LRBA: variants seen among roughly 807,000 people sequenced by gnomAD.
LRBA encodes the protein lipopolysaccharide-responsive and beige-like anchor protein.
A neutral mutation model predicts 330.0 loss-of-function variants in LRBA; 176 were observed. The observed-to-expected ratio is 0.53, with a 90% CI of 0.47 to 0.60. LRBA has a LOEUF of 0.60. Ranked by LOEUF, LRBA falls within the 20% of genes least tolerant of loss-of-function variation. The pLI, the probability that LRBA is intolerant of heterozygous loss-of-function variation, is 0.00. For synonymous variants in LRBA, 1,230 were observed against 1,193.0 expected (o/e 1.03, Z -0.64); for missense variants, 3,259 against 3,444.8 (o/e 0.95, Z 1.35).
chr4:150,784,820 G>A (rs1738802106), intron 34 of LRBA, among the ~76,000 whole-genome samples: 1 of 152,068 alleles, frequency 6.6e-6, no homozygotes, highest in African/African-American at 2.4e-5. Flanking sequence ...CAAGAACCCT[G>A]GTGTTCCTCC....
chr4:150,945,448 G>A (rs1441411237), intron 2 of LRBA, among the ~76,000 whole-genome samples: 33 of 152,156 alleles, frequency 2.2e-4, no homozygotes, highest in Admixed American at 2.2e-3. Context: ...TTTTTTTAAA[G>A]GTGCAGGACA....
chr4:150,723,122 T>C (rs889199391), intron 36 of LRBA, among the ~76,000 whole-genome samples: 3 of 152,066 alleles, frequency 2.0e-5, no homozygotes, highest in African/African-American at 2.4e-5. Context: ...AAAGGAAGTC[T>C]AGGACACAAG....
In LRBA at chr4:150,325,820, C is replaced by T. The variant is rs1239136285; in HGVS notation, c.7441G>A (p.Ala2481Thr). The T allele has an allele frequency of 6.2e-7, 1 of 1,612,636 alleles. No individual in the cohort carries two copies. The highest frequency in any genetic ancestry group is 8.5e-7 in the Non-Finnish European group (1 of 1,178,954). The change falls in exon 49 of 57, where the codon GCC becomes ACC. Residue 2481 changes from alanine (A) to threonine (T), a missense_variant. Physicochemically the swap from Ala to Thr is moderately conservative, Grantham distance 58. Coordinates refer to ENST00000651943, the MANE Select transcript of LRBA (RefSeq NM_001364905.1). ...AAAATAGCACTTACCACTTGCATGGCAGAACCTCTGGGAGGATGGGGCTCT... is the reference window on the plus strand; with the variant it reads ...AAAATAGCACTTACCACTTGCATGGTAGAACCTCTGGGAGGATGGGGCTCT... ...LIEPHPPRGS[A>T]MQVSPLMFTD...
chr4:150,375,145 G>GTA (rs1294498589), intron 47 of LRBA, among the ~76,000 whole-genome samples: 1 of 152,152 alleles, frequency 6.6e-6, no homozygotes, highest in African/African-American at 2.4e-5. Context: ...GAGGCTGTCT[G>GTA]GCTGTAGCTG....
At chr4:150,892,472 C>G (rs60391819) in intron 17 of LRBA, among the ~76,000 whole-genome samples, 15,083 of 152,158 alleles carry the variant, frequency 0.099, 1,610 homozygotes, top group African/African-American at 0.27. Context: ...TGCTACATGA[C>G]AACACAGCAA....
intron 40 of LRBA, chr4:150,580,391 A>C (rs1771150908): frequency 6.6e-6 from 1 of 152,204 alleles, no homozygotes; most frequent in Admixed American, 6.5e-5. Flanking sequence ...TATGTAAGAA[A>C]GAACCAAGAG....
At chr4:150,655,064 T>C (rs1199620998) in intron 37 of LRBA, among the ~76,000 whole-genome samples, 6 of 152,242 alleles carry the variant, frequency 3.9e-5, no homozygotes, top group African/African-American at 1.4e-4. Flanking sequence ...TACCCAATAC[T>C]GGGATGGCTG....
rs70941428 is a variant in LRBA, at chr4:150,693,563, C to CAAAAAAAAAAA, written c.5755-9857_5755-9847dup. Among the ~76,000 whole-genome samples the CAAAAAAAAAAA allele has an allele frequency of 2.7e-4, 14 of 52,704 alleles. 1 individual carries two copies. The highest frequency in any genetic ancestry group is 4.2e-4 in the Non-Finnish European group (12 of 28,236). The allele number at this position is 52,704 out of a possible 152,430, so 34.6% of individuals were successfully genotyped here. ...TGGGTGACAGAGCGAGACTCCGTCT[C>CAAAAAAAAAAA]AAAAAAAAAAAAAAAAAAAAAAATT... On this transcript the variant is annotated intron_variant, in intron 36 of 56. Transcript: ENST00000651943.
At chr4:150,332,579 A>T (rs1734124548) in intron 48 of LRBA, among the ~76,000 whole-genome samples, 1 of 152,170 alleles carries the variant, frequency 6.6e-6, no homozygotes. Context: ...AACTTAATTT[A>T]GGAGGGATGC....
At chr4:150,571,987 T>C (rs1769930196) in intron 40 of LRBA, among the ~76,000 whole-genome samples, 1 of 151,998 alleles carries the variant, frequency 6.6e-6, no homozygotes, top group Non-Finnish European at 1.5e-5. Flanking sequence ...TATAACAAAA[T>C]AGAGATTGGT....
chr4:150,942,747 A>C (rs149630454), intron 2 of LRBA, among the ~76,000 whole-genome samples: 9 of 152,200 alleles, frequency 5.9e-5, no homozygotes, highest in Non-Finnish European at 8.8e-5. Context: ...CAATTATCAC[A>C]TCTAGCTGAT....
intron 47 of LRBA, among the ~76,000 whole-genome samples, chr4:150,380,016 A>T (rs1182862550): frequency 2.0e-5 from 3 of 150,730 alleles, no homozygotes; most frequent in Admixed American, 2.0e-4. Context: ...AAAAAAAAAA[A>T]AAAAAAAAAA....
At chr4:150,805,339 G>GAAAGA (rs1210401526) in intron 33 of LRBA, among the ~76,000 whole-genome samples, 2 of 133,370 alleles carry the variant, frequency 1.5e-5, no homozygotes, top group Non-Finnish European at 3.1e-5. Flanking sequence ...GAAAGGAAAG[G>GAAAGA]AGAAGGAGAA....
At position 150,321,304 on chromosome 4, in the gene LRBA, T is replaced by G. The variant is rs1237728831; in HGVS notation, c.7517A>C (p.Asn2506Thr). 5.6e-6 allele frequency: 9 copies of G among 1,606,660 alleles called. No homozygotes were observed. The South Asian group carries it at 8.9e-5, about 16-fold the overall frequency. Residue 2506 changes from asparagine (N) to threonine (T), a missense_variant, in exon 50 of 57, where the codon AAC becomes ACC. By Grantham distance (65) the Asn-to-Thr change is moderately conservative. Transcript: ENST00000651943. This position sits in a 1 kb window ranked among gnomAD's most constrained non-coding sequence, Gnocchi z 4.5. ...GGCTGCCACGTGAGTAACAGGGGAG[T>G]TGGAGGGAAACTTGAGGACCATGAT... is the stretch of plus-strand genomic sequence containing the variant. ...DVIMVLKFPSNSPVTHVAANT... is the reference protein window; with the variant it reads ...DVIMVLKFPSTSPVTHVAANT...
At chr4:150,692,770 T>G (rs1784253516) in intron 36 of LRBA, among the ~76,000 whole-genome samples, 1 of 152,068 alleles carries the variant, frequency 6.6e-6, no homozygotes, top group Admixed American at 6.6e-5. Flanking sequence ...TACATCAGAA[T>G]GCCAAAATAA....
chr4:150,809,995 AT>A (rs1452232748), intron 31 of LRBA, among the ~76,000 whole-genome samples: 1 of 152,160 alleles, frequency 6.6e-6, no homozygotes, highest in African/African-American at 2.4e-5. Flanking sequence ...GTATCTAGGA[AT>A]TCTGATTCAA....
At chr4:150,749,629 G>A (rs995444085) in intron 35 of LRBA, among the ~76,000 whole-genome samples, 4 of 152,102 alleles carry the variant, frequency 2.6e-5, no homozygotes, top group African/African-American at 9.7e-5. Flanking sequence ...GGGCATGGTG[G>A]CATGTGCCTG....
chr4:150,645,793 A>T (rs929445059), intron 37 of LRBA, among the ~76,000 whole-genome samples: 1 of 151,926 alleles, frequency 6.6e-6, no homozygotes, highest in Non-Finnish European at 1.5e-5. Context: ...TGAAATCCAT[A>T]AAATATTATA....
intron 17 of LRBA, among the ~76,000 whole-genome samples, chr4:150,875,388 T>C (rs1399421878): frequency 6.6e-6 from 1 of 152,116 alleles, no homozygotes; most frequent in African/African-American, 2.4e-5. Context: ...AGGTTTCCCA[T>C]CACTATTTTT....
Sources: allele counts gnomAD v4.1 joint callset (sites outside exome capture counted in the v4.1 genomes callset), GRCh38; gene constraint gnomAD v4.1.1; non-coding constraint Gnocchi (gnomAD v3.1); transcripts MANE v1.5; gene names NCBI Gene and HGNC (gene_info 2026-07-23, HGNC 2026-07-21).